Variants in EPHB2 observed in about 807,000 individuals in gnomAD.
EPHB2 encodes ephrin type-B receptor 2.
EPHB2 carries 18 observed loss-of-function variants against 96.4 expected under a neutral mutation model. The observed-to-expected ratio is 0.19, with a 90% confidence interval of 0.13 to 0.28. The LOEUF (loss-of-function observed/expected upper bound fraction) is 0.28, where lower values mean the gene tolerates loss of function less well. EPHB2 is among the 10% of genes least tolerant of loss of function. The probability of loss-of-function intolerance (pLI) is 1.00; values close to 1 mark genes in which losing one functional copy is unlikely to be tolerated. For missense variants in EPHB2, 989 were observed against 1,355.4 expected, an observed-to-expected ratio of 0.73 and a Z score of 4.25; for synonymous variants, 506 against 534.1, an observed-to-expected ratio of 0.95 and a Z score of 0.72.
chr1:22,775,971 C>T (rs745818725), intron 1 of EPHB2, among the ~76,000 whole-genome samples: 4 of 152,184 alleles, frequency 2.6e-5, no homozygotes, highest in Non-Finnish European at 4.4e-5. Context: ...GCAGGTGAAA[C>T]GGCAAAGTTG....
At chr1:22,743,458 ATTTAATTTTATTT>A (rs969753737) in intron 1 of EPHB2, among the ~76,000 whole-genome samples, 19 of 151,864 alleles carry the variant, frequency 1.3e-4, no homozygotes, top group African/African-American at 3.9e-4. Context: ...ATTTCTGTAA[ATTTAATTTTATTT>A]TTTAATTTTA....
Position 22,913,260 on chromosome 1 carries a change from C to T in EPHB2, c.2853-202C>T, listed in dbSNP as rs1377867438. On this transcript the variant is annotated intron_variant, in intron 15 of 15. Coordinates refer to ENST00000374630, the MANE Select transcript of EPHB2 (RefSeq NM_017449.5). The surrounding 1 kb of genome is among the most constrained non-coding windows in gnomAD (Gnocchi z 4.1). ...CAGGGGAGAGAAGGCCCCCTAGGGACCCTGATTCCGACTCAAGTGCTCTTC... is the reference window on the plus strand; with the variant it reads ...CAGGGGAGAGAAGGCCCCCTAGGGATCCTGATTCCGACTCAAGTGCTCTTC... 8.9e-5 allele frequency: 58 copies of T among 651,274 alleles called. 1 individual carries two copies. The highest frequency in any genetic ancestry group is 8.6e-4 in the South Asian group (47 of 54,520). 40.3% of individuals were successfully genotyped at this position (651,274 alleles called of 1,614,324 possible). A position where few individuals can be genotyped will look rare whatever the true frequency, so the allele number is the denominator to read the frequency against.
At chr1:22,845,707 T>C (rs957464775) in intron 3 of EPHB2, among the ~76,000 whole-genome samples, 2 of 152,002 alleles carry the variant, frequency 1.3e-5, no homozygotes, top group Non-Finnish European at 2.9e-5. Flanking sequence ...TCTCTCTCTC[T>C]TTACACACAC....
chr1:22,913,846 C>A lies in EPHB2; in HGVS notation c.*276C>A, dbSNP rs549094331. The A allele has an allele frequency of 1.9e-6, 3 of 1,608,448 alleles. No homozygotes were observed. Among genetic ancestry groups the A allele is most frequent in the East Asian group, 2.2e-5 (1 of 44,818 alleles). On this transcript the variant is annotated 3_prime_UTR_variant, in exon 16 of 16. Transcript: ENST00000374630. This position sits in a 1 kb window ranked among gnomAD's most constrained non-coding sequence, Gnocchi z 4.1. Reference sequence around the variant, plus strand: ...TTAAAGAGGATTCTCATAAGGAAAGCAATGACTGTTCTTGCGGGGGATAAA... The same window carrying A: ...TTAAAGAGGATTCTCATAAGGAAAGAAATGACTGTTCTTGCGGGGGATAAA...
At chr1:22,769,914 C>G (rs748465645) in intron 1 of EPHB2, among the ~76,000 whole-genome samples, 1 of 151,960 alleles carries the variant, frequency 6.6e-6, no homozygotes, top group Non-Finnish European at 1.5e-5. Context: ...GGGAAAAAAC[C>G]GAAGTGGGAT....
chr1:22,783,495 G>A (rs950952920), intron 2 of EPHB2, among the ~76,000 whole-genome samples: 32 of 152,200 alleles, frequency 2.1e-4, no homozygotes, highest in African/African-American at 7.0e-4. Context: ...GATTGTTCCC[G>A]AAGGCCCTCG....
chr1:22,878,753 C>T (rs1638927952), intron 5 of EPHB2, among the ~76,000 whole-genome samples: 1 of 152,164 alleles, frequency 6.6e-6, no homozygotes, highest in African/African-American at 2.4e-5. Context: ...TGGACTCCAC[C>T]CTCAGGGCTC....
chr1:22,797,971 C>T (rs776161028), intron 3 of EPHB2, among the ~76,000 whole-genome samples: 5 of 152,156 alleles, frequency 3.3e-5, no homozygotes, highest in East Asian at 1.9e-4. Context: ...TATACAGGCA[C>T]GCAGCCTGTC....
intron 3 of EPHB2, among the ~76,000 whole-genome samples, chr1:22,828,687 CA>C (rs1219720118): frequency 2.0e-5 from 3 of 152,118 alleles, no homozygotes; most frequent in Non-Finnish European, 4.4e-5. Flanking sequence ...CACAGTCAAG[CA>C]AGAATTTTAG....
rs943030428 is a variant in EPHB2 at position 22,842,420 on chromosome 1, G to A, written c.812-20617G>A. On this transcript the variant is annotated intron_variant, in intron 3 of 15. Transcript: ENST00000374630. ...TTATGGGTCCCTGTTAGATCTGACC[G>A]CCCCTTTCCACCCCTCACTGTCACC... 2.6e-5 allele frequency among the ~76,000 whole-genome samples: 4 copies of A among 152,002 alleles called. No individual in the cohort carries two copies. In the South Asian group the frequency reaches 6.2e-4, roughly 24 times the overall value.
At chr1:22,897,352 G>A (rs1639599151) in intron 9 of EPHB2, among the ~76,000 whole-genome samples, 1 of 152,176 alleles carries the variant, frequency 6.6e-6, no homozygotes, top group African/African-American at 2.4e-5. Context: ...TTCTCAAACT[G>A]TACTCAGTGT....
intron 5 of EPHB2, among the ~76,000 whole-genome samples, chr1:22,879,452 C>T (rs950147573): frequency 1.3e-5 from 2 of 152,214 alleles, no homozygotes; most frequent in African/African-American, 4.8e-5. Flanking sequence ...CTCGGCAGTC[C>T]AGGAGAGCAG....
At chr1:22,901,804 C>CGTGT (rs1162286889) in intron 9 of EPHB2, among the ~76,000 whole-genome samples, 1 of 109,230 alleles carries the variant, frequency 9.2e-6, no homozygotes, top group African/African-American at 3.7e-5. Context: ...CATTTAACTT[C>CGTGT]GTGTGTGTGT....
chr1:22,783,175 G>C (rs1644558913), intron 2 of EPHB2, among the ~76,000 whole-genome samples: 1 of 152,238 alleles, frequency 6.6e-6, no homozygotes, highest in African/African-American at 2.4e-5. Flanking sequence ...CTCTGGGTCT[G>C]TGTGACCTGG....
intron 1 of EPHB2, among the ~76,000 whole-genome samples, chr1:22,720,517 G>A (rs1026775245): frequency 2.6e-5 from 4 of 152,116 alleles, no homozygotes; most frequent in South Asian, 4.1e-4. Flanking sequence ...GAATCTAGAC[G>A]CCCCCTTACT....
chr1:22,910,989 A>G (rs1640080114), intron 14 of EPHB2, among the ~76,000 whole-genome samples: 1 of 152,066 alleles, frequency 6.6e-6, no homozygotes, highest in Admixed American at 6.5e-5. Flanking sequence ...ATTTATAAAA[A>G]TTAGCCAGCC....
At chr1:22,900,911 C>T (rs1339226957) in intron 9 of EPHB2, among the ~76,000 whole-genome samples, 1 of 152,172 alleles carries the variant, frequency 6.6e-6, no homozygotes, top group East Asian at 1.9e-4. Flanking sequence ...CACACGGCCC[C>T]ATGGTTTCCA....
intron 3 of EPHB2, among the ~76,000 whole-genome samples, chr1:22,840,313 A>G (rs1215155582): frequency 1.3e-5 from 2 of 152,242 alleles, no homozygotes; most frequent in African/African-American, 4.8e-5. Context: ...GATACTCTTG[A>G]TAGATAAGCT....
At chr1:22,844,772 T>C (rs1407762967) in intron 3 of EPHB2, among the ~76,000 whole-genome samples, 2 of 152,182 alleles carry the variant, frequency 1.3e-5, no homozygotes, top group Non-Finnish European at 2.9e-5. Flanking sequence ...AGGAAGCCTA[T>C]AGCCTGGGGC....
Sources: allele counts gnomAD v4.1 joint callset (sites outside exome capture counted in the v4.1 genomes callset), GRCh38; gene constraint gnomAD v4.1.1; non-coding constraint Gnocchi (gnomAD v3.1); transcripts MANE v1.5; gene names NCBI Gene and HGNC (gene_info 2026-07-23, HGNC 2026-07-21).